Variants in PROSER2 observed in about 807,000 individuals in gnomAD.
PROSER2 encodes proline and serine-rich protein 2.
Under a neutral mutation model 14.6 loss-of-function variants are expected in PROSER2, and 18 were observed. The ratio of observed to expected loss-of-function variants is 1.23; its 90% CI spans 0.85 to 1.83. The LOEUF is 1.83. Among genes scored for constraint, PROSER2 ranks in the 40% most tolerant of loss-of-function variants. The pLI, the probability that PROSER2 is intolerant of heterozygous loss-of-function variation, is 0.00. For synonymous variants in PROSER2, 367 were observed against 286.4 expected, an observed-to-expected ratio of 1.28 and a Z score of -2.84; for missense variants, 823 against 629.8, an observed-to-expected ratio of 1.31 and a Z score of -3.28.
intron 3 of PROSER2, among the ~76,000 whole-genome samples, chr10:11,867,610 C>T (rs1279005423): frequency 2.6e-5 from 4 of 152,124 alleles, no homozygotes; most frequent in Admixed American, 6.5e-5. Context: ...GGTGGCAGAG[C>T]GAGACCCTGT....
At chr10:11,864,424 G>A (rs767056526) in intron 2 of PROSER2, among the ~76,000 whole-genome samples, 8 of 151,924 alleles carry the variant, frequency 5.3e-5, no homozygotes, top group Non-Finnish European at 1.0e-4. Flanking sequence ...TTTAACATGC[G>A]CTCTCTCTAT....
At chr10:11,843,036 G>A (rs1260964767) in intron 1 of PROSER2, among the ~76,000 whole-genome samples, 3 of 142,646 alleles carry the variant, frequency 2.1e-5, no homozygotes, top group Non-Finnish European at 4.5e-5. Context: ...CGCCTCCTGG[G>A]TTTACACCAT....
intron 2 of PROSER2, among the ~76,000 whole-genome samples, chr10:11,853,273 A>C (rs149893890): frequency 3.3e-5 from 5 of 152,292 alleles, no homozygotes; most frequent in African/African-American, 7.2e-5. Context: ...TTTTAAAACC[A>C]TTATGGTAAT....
At position 11,869,319 on chromosome 10, in the gene PROSER2, C is replaced by T. The variant is rs962429439; in HGVS notation, c.392-171C>T. ...TGAGGTCATGAGCATGACATACCACCTTCTCCTTCCCTAGTCCCAGGAACA... is the reference window on the plus strand; with the variant it reads ...TGAGGTCATGAGCATGACATACCACTTTCTCCTTCCCTAGTCCCAGGAACA... On this transcript the variant is annotated intron_variant, in intron 3 of 3. Coordinates refer to ENST00000277570, the MANE Select transcript of PROSER2 (RefSeq NM_153256.4). This position sits in a 1 kb window ranked among gnomAD's most constrained non-coding sequence, Gnocchi z 4.4. 1 of 621,090 alleles carries T rather than the reference C, an allele frequency of 1.6e-6. No individual in the cohort carries two copies. Among genetic ancestry groups the T allele is most frequent in the South Asian group, 1.9e-5 (1 of 51,822 alleles). 38.5% of individuals were successfully genotyped at this position (621,090 alleles called of 1,614,324 possible).
At chr10:11,860,079 G>A (rs900449829) in intron 2 of PROSER2, among the ~76,000 whole-genome samples, 1 of 152,218 alleles carries the variant, frequency 6.6e-6, no homozygotes, top group Non-Finnish European at 1.5e-5. Flanking sequence ...GGCAGATCCG[G>A]GTTCACTGTG....
intron 1 of PROSER2, among the ~76,000 whole-genome samples, chr10:11,847,964 G>A (rs11257359): frequency 0.086 from 13,127 of 152,194 alleles, 616 homozygotes; most frequent in Middle Eastern, 0.14. Context: ...TAGTTAAGAT[G>A]TGCAGCATTC....
chr10:11,828,984 G>C (rs1210514691), intron 1 of PROSER2, among the ~76,000 whole-genome samples: 1 of 152,080 alleles, frequency 6.6e-6, no homozygotes, highest in Non-Finnish European at 1.5e-5. Flanking sequence ...GGGCAGCATA[G>C]GGGGCAATTT....
intron 1 of PROSER2, among the ~76,000 whole-genome samples, chr10:11,844,914 T>C (rs559748022): frequency 6.6e-6 from 1 of 152,196 alleles, no homozygotes; most frequent in Non-Finnish European, 1.5e-5. Context: ...AAGCCACCAC[T>C]CCCAGCCTTC....
rs149097270 is a variant in PROSER2 at position 11,832,749 on chromosome 10, A to G, written c.-82+9279A>G. ...AGGGATAATAACCACACTGATGTTA[A>G]CATGTCTGAAACTACTCTTAAGTAT... On this transcript the variant is annotated intron_variant, in intron 1 of 3. Transcript: ENST00000277570. 9.2e-5 allele frequency among the ~76,000 whole-genome samples: 14 copies of G among 152,310 alleles called. No individual in the cohort carries two copies. In the East Asian group the frequency reaches 2.7e-3, roughly 29 times the overall value.
At chr10:11,826,063 T>A (rs1176929757) in intron 1 of PROSER2, among the ~76,000 whole-genome samples, 1 of 152,138 alleles carries the variant, frequency 6.6e-6, no homozygotes, top group Non-Finnish European at 1.5e-5. Context: ...TGGCAGCCAC[T>A]GATCTCCTTC....
rs201389789 is a variant in PROSER2 at position 11,848,142 on chromosome 10, T to TTTTTG, written c.-81-3840_-81-3836dup. Among the ~76,000 whole-genome samples the TTTTTG allele has an allele frequency of 8.0e-4, 121 of 152,070 alleles. 2 individuals carry two copies. The South Asian group carries it at 0.023, about 29-fold the overall frequency. On this transcript the variant is annotated intron_variant, in intron 1 of 3. Transcript: ENST00000277570. The stretch of plus-strand genomic sequence containing the variant: ...TGGGAGTGTGCCCCACTCTGGTTTG[T>TTTTTG]TTTTGTTTTGTTTTGTTTTTGTTTG...
intron 1 of PROSER2, among the ~76,000 whole-genome samples, chr10:11,826,259 C>T (rs764731654): frequency 6.6e-6 from 1 of 152,178 alleles, no homozygotes; most frequent in Non-Finnish European, 1.5e-5. Context: ...AGATCGCATT[C>T]TATTTACCCA....
intron 1 of PROSER2, among the ~76,000 whole-genome samples, chr10:11,824,524 T>C (rs971853754): frequency 6.6e-6 from 1 of 152,208 alleles, no homozygotes; most frequent in Non-Finnish European, 1.5e-5. Flanking sequence ...ATGTTACTGA[T>C]TGTTTTTCTA....
In PROSER2 at chr10:11,862,416, G is replaced by A. The variant is rs1230451993; in HGVS notation, c.139-4115G>A. Among the ~76,000 whole-genome samples, 2 of 152,220 alleles carry A rather than the reference G, an allele frequency of 1.3e-5. No individual in the cohort carries two copies. Among genetic ancestry groups the A allele is most frequent in the Non-Finnish European group, 2.9e-5 (2 of 68,034 alleles). On this transcript the variant is annotated intron_variant, in intron 2 of 3. Coordinates refer to ENST00000277570, the MANE Select transcript of PROSER2 (RefSeq NM_153256.4). The surrounding 1 kb of genome is among the most constrained non-coding windows in gnomAD (Gnocchi z 4.2). ...GATATCAAGACTTACTATAGAATGG[G>A]CACAGTGGCTCATGCCTACAATAAC... is the stretch of plus-strand genomic sequence containing the variant.
At chr10:11,854,383 C>T (rs940760528) in intron 2 of PROSER2, among the ~76,000 whole-genome samples, 7 of 152,230 alleles carry the variant, frequency 4.6e-5, no homozygotes, top group Non-Finnish European at 1.0e-4. Context: ...TCATAGCTTA[C>T]TGCAGCCGTG....
intron 1 of PROSER2, among the ~76,000 whole-genome samples, chr10:11,844,653 G>A (rs569449298): frequency 2.0e-5 from 3 of 152,118 alleles, no homozygotes; most frequent in East Asian, 1.9e-4. Flanking sequence ...ATGGAGTCTC[G>A]CTCTGTCACC....
At position 11,862,625 on chromosome 10, in the gene PROSER2, C is replaced by A. The variant is rs1215734447; in HGVS notation, c.139-3906C>A. On this transcript the variant is annotated intron_variant, in intron 2 of 3. Transcript: ENST00000277570. This position sits in a 1 kb window ranked among gnomAD's most constrained non-coding sequence, Gnocchi z 4.2. ...GGGAGGATCACTTGAGCTGGGGAGACCTAGGCTGCAATGAGCTGTGATTGT... is the reference window on the plus strand; with the variant it reads ...GGGAGGATCACTTGAGCTGGGGAGAACTAGGCTGCAATGAGCTGTGATTGT... 6.6e-6 allele frequency among the ~76,000 whole-genome samples: 1 copy of A among 152,102 alleles called. No individual in the cohort carries two copies. The highest frequency in any genetic ancestry group is 2.4e-5 in the African/African-American group (1 of 41,408).
chr10:11,850,782 A>G (rs1834004517), intron 1 of PROSER2: 1 of 152,232 alleles, frequency 6.6e-6, no homozygotes, highest in Non-Finnish European at 1.5e-5. Context: ...AAGGTGTTCA[A>G]TGCAGATTGC....
At chr10:11,859,848 G>A (rs927084377) in intron 2 of PROSER2, among the ~76,000 whole-genome samples, 32 of 152,318 alleles carry the variant, frequency 2.1e-4, no homozygotes, top group Middle Eastern at 3.4e-3. Context: ...CTCCTGAAAA[G>A]AAATCATGGC....
Sources: gnomAD v4.1 joint callset for allele counts (sites outside exome capture counted in the v4.1 genomes callset) on GRCh38, gnomAD v4.1.1 for gene constraint, Gnocchi (gnomAD v3.1) non-coding constraint, MANE v1.5 for transcripts, NCBI Gene and HGNC (gene_info 2026-07-23, HGNC 2026-07-21) for gene names.